Variants in LYPD5 observed in about 807,000 individuals in gnomAD.
LYPD5 encodes LY6/PLAUR domain containing 5, also known as ly6/PLAUR domain-containing protein 5.
LYPD5 carries 21 observed loss-of-function variants against 19.1 expected under a neutral mutation model. The ratio of observed to expected loss-of-function variants is 1.10; its 90% CI spans 0.78 to 1.58. LYPD5 has a LOEUF of 1.58. Ranked by LOEUF, LYPD5 falls within the 40% of genes most tolerant of loss-of-function variation. The pLI, the probability that LYPD5 is intolerant of heterozygous loss-of-function variation, is 0.00. For missense variants in LYPD5, 287 were observed against 329.8 expected (o/e 0.87, Z 1.00); for synonymous variants, 128 against 142.7 (o/e 0.90, Z 0.74).
chr19:43,805,759 C>T (rs889050631), upstream of LYPD5, among the ~76,000 whole-genome samples: 2 of 152,184 alleles, frequency 1.3e-5, no homozygotes, highest in African/African-American at 4.8e-5. Flanking sequence ...CCACCCGCCT[C>T]GGCCTCCCAA....
chr19:43,820,533 C>T (rs991363316), intron 1 of LYPD5: 2 of 152,128 alleles, frequency 1.3e-5, no homozygotes, highest in African/African-American at 4.8e-5. Flanking sequence ...GCTTCTCCCA[C>T]CCTTACCCGC....
At position 43,797,831 on chromosome 19, in the gene LYPD5, T is replaced by C. The variant is rs762524183; in HGVS notation, c.518-2A>G. 17 of 1,610,132 alleles carry C rather than the reference T, an allele frequency of 1.1e-5. No individual in the cohort carries two copies. The South Asian group carries it at 1.9e-4, about 18-fold the overall frequency. On this transcript the variant is annotated splice_acceptor_variant, in intron 4 of 4. Coordinates refer to ENST00000377950, the MANE Select transcript of LYPD5 (RefSeq NM_001031749.3). LOFTEE classifies it high-confidence loss of function. ...TGTACACAGGGACTGAGAAATTGCC[T>C]GGAGGTGGGCAAAGCAGTGAGGAAC...
At chr19:43,817,257 T>G (rs972772425) in intron 1 of LYPD5, among the ~76,000 whole-genome samples, 2 of 152,174 alleles carry the variant, frequency 1.3e-5, no homozygotes, top group African/African-American at 2.4e-5. Flanking sequence ...CTTGGCCTTA[T>G]GTTTCTCATC....
Position 43,798,919 on chromosome 19 carries a change from G to C in LYPD5, c.263C>G (p.Ser88Trp), listed in dbSNP as rs549894933. ...GTCTGGCGGCAGCGCGTCCGCGTTC[G>C]ATTGCGTCTGGCCCGCAGGAGGCCC... Reference protein sequence around the residue: ...WTGPPAGQTQSNADALPPDYS... With the variant: ...WTGPPAGQTQWNADALPPDYS... Residue 88 changes from serine to tryptophan, a missense_variant, in exon 3 of 5, where the codon TCG becomes TGG. Coordinates refer to ENST00000377950, the MANE Select transcript of LYPD5 (RefSeq NM_001031749.3). 5 of 1,595,338 alleles carry C rather than the reference G, an allele frequency of 3.1e-6. No individual in the cohort carries two copies. The highest frequency in any genetic ancestry group is 4.3e-6 in the Non-Finnish European group (5 of 1,171,636).
chr19:43,799,599 A>C, intron 2 of LYPD5, 107 bp downstream of exon 2: 2 of 1,197,112 alleles, frequency 1.7e-6, no homozygotes, highest in South Asian at 1.6e-5. Flanking sequence ...CCATCTTTCT[A>C]TCTTTATCTT....
chr19:43,799,098 C>CCCTCCT (rs1970182595), intron 2 of LYPD5, 110 bp from the exon 3 acceptor site: 2 of 1,014,972 alleles, frequency 2.0e-6, no homozygotes, highest in Non-Finnish European at 2.7e-6. Flanking sequence ...ACCTCCTCCC[C>CCCTCCT]TCCCTCCTTC....
chr19:43,811,874 C>G (rs1052301288), intron 1 of LYPD5, among the ~76,000 whole-genome samples: 1 of 152,154 alleles, frequency 6.6e-6, no homozygotes, highest in Non-Finnish European at 1.5e-5. Flanking sequence ...GTGTCAGCCT[C>G]TGGTGCATAG....
In LYPD5 at chr19:43,812,377, CA is replaced by C. The variant is rs539908210; in HGVS notation, c.-66+8162del. ...TCTATCTATCTATCTATCTATCTATCAATCTATCATCTATCTATCCATCCAT... is the reference window on the plus strand; with the variant it reads ...TCTATCTATCTATCTATCTATCTATCATCTATCATCTATCTATCCATCCAT... On this transcript the variant is annotated intron_variant, in intron 1 of 4. Transcript: ENST00000414615. Among the ~76,000 whole-genome samples the C allele has an allele frequency of 6.6e-3, 693 of 104,586 alleles. 7 individuals are homozygous for C. Among genetic ancestry groups the C allele is most frequent in the African/African-American group, 0.022 (660 of 29,606 alleles). 68.6% of individuals were successfully genotyped at this position (104,586 alleles called of 152,430 possible).
At chr19:43,809,954 T>C (rs887677855) in intron 1 of LYPD5, among the ~76,000 whole-genome samples, 1 of 152,234 alleles carries the variant, frequency 6.6e-6, no homozygotes, top group Admixed American at 6.5e-5. Flanking sequence ...GAATGGTAGC[T>C]ACCAACCCTC....
Position 43,817,096 on chromosome 19 carries a change from A to T in LYPD5, c.-66+3444T>A, listed in dbSNP as rs558990133. ...GTAACCCCAAAACTCAGAGGCTTGA[A>T]ATTACGAATATTATTTCTCACAATT... On this transcript the variant is annotated intron_variant, in intron 1 of 4. Transcript: ENST00000414615. Among the ~76,000 whole-genome samples the T allele has an allele frequency of 2.0e-5, 3 of 152,280 alleles. No individual in the cohort carries two copies. The South Asian group carries it at 6.2e-4, about 32-fold the overall frequency.
chr19:43,806,792 A>G (rs555803079), upstream of LYPD5, among the ~76,000 whole-genome samples: 67 of 152,256 alleles, frequency 4.4e-4, no homozygotes, highest in Admixed American at 1.6e-3. Flanking sequence ...AAAACGCACA[A>G]TAAATGTAAT....
At position 43,798,879 on chromosome 19, in the gene LYPD5, G is replaced by C. The variant is rs1239482556; in HGVS notation, c.303C>G (p.Arg101=). 6.2e-7 allele frequency: 1 copy of C among 1,607,190 alleles called. No individual in the cohort carries two copies. Among genetic ancestry groups the C allele is most frequent in the South Asian group, 1.1e-5 (1 of 89,716 alleles). The stretch of plus-strand genomic sequence containing the variant: ...CGTTGCATTTGTCAGTTGTGCAGCC[G>C]CGCACCACCGAGTAGTCTGGCGGCA... ...DALPPDYSVV[R]GCTTDKCNAH... is the part of the protein sequence containing the mutation. The change falls in exon 3 of 5, where the codon CGC becomes CGG. Residue 101 remains arginine (R), a synonymous_variant. Coordinates refer to ENST00000377950, the MANE Select transcript of LYPD5 (RefSeq NM_001031749.3).
At chr19:43,811,653 T>C (rs1970324519) in intron 1 of LYPD5, among the ~76,000 whole-genome samples, 1 of 149,632 alleles carries the variant, frequency 6.7e-6, no homozygotes, top group Admixed American at 6.8e-5. Context: ...GCCACTGCCC[T>C]CTAGCCTGGG....
Position 43,802,441 on chromosome 19 carries a change from CCTTA to C in LYPD5, c.-65_-62del. The stretch of plus-strand genomic sequence containing the variant: ...TGTGATGTGCTGCCTGGCTGGTTCT[CCTTA>C]CTGAGTCCTAAGCATCCCGGCCACC... On this transcript the variant is annotated 5_prime_UTR_variant, in exon 1 of 5. Transcript: ENST00000377950. 6.7e-7 allele frequency: 1 copy of C among 1,487,542 alleles called. No homozygotes were observed. The allele number at this position is 1,487,542 out of a possible 1,614,324, so 92.1% of individuals were successfully genotyped here. A position where few individuals can be genotyped will look rare whatever the true frequency, so the allele number is the denominator to read the frequency against.
chr19:43,804,382 GACACATCCCATT>G (rs1218110351), upstream of LYPD5, among the ~76,000 whole-genome samples: 322 of 93,318 alleles, frequency 3.5e-3, 2 homozygotes, highest in African/African-American at 9.2e-3. Context: ...CCATGTGATG[GACACATCCCATT>G]GACAGAATAA....
intron 1 of LYPD5, among the ~76,000 whole-genome samples, chr19:43,812,803 C>T (rs79238857): frequency 0.011 from 1,618 of 152,306 alleles, 14 homozygotes; most frequent in Middle Eastern, 0.027. Context: ...TTTAACTACA[C>T]GCAAATTAAG....
At position 43,797,425 on chromosome 19, in the gene LYPD5, T is replaced by C. The variant is rs1351573582; in HGVS notation, c.*166A>G. ...GGTGACTGTGTCCAGTTTCTTCCAG[T>C]ACTGTTGGCCAGGTTGTGGGGCACA... On this transcript the variant is annotated 3_prime_UTR_variant, in exon 5 of 5. Coordinates refer to ENST00000377950, the MANE Select transcript of LYPD5 (RefSeq NM_001031749.3). 2 of 639,400 alleles carry C rather than the reference T, an allele frequency of 3.1e-6. No individual in the cohort carries two copies. Among genetic ancestry groups the C allele is most frequent in the Non-Finnish European group, 5.4e-6 (2 of 369,874 alleles). The allele number at this position is 639,400 out of a possible 1,614,324, so 39.6% of individuals were successfully genotyped here.
chr19:43,799,597 C>CTT (rs1970194230), intron 2 of LYPD5, 109 bp downstream of exon 2: 1 of 1,212,096 alleles, frequency 8.3e-7, no homozygotes, highest in Admixed American at 2.7e-5. Context: ...CCCCATCTTT[C>CTT]TATCTTTATC....
At chr19:43,811,305 A>G (rs934150530) in intron 1 of LYPD5, among the ~76,000 whole-genome samples, 2 of 152,202 alleles carry the variant, frequency 1.3e-5, no homozygotes, top group South Asian at 2.1e-4. Flanking sequence ...ATAACATGGA[A>G]TAGTTGAGAA....
Sources: gnomAD v4.1 joint callset for allele counts (sites outside exome capture counted in the v4.1 genomes callset) on GRCh38, gnomAD v4.1.1 for gene constraint, MANE v1.5 for transcripts, NCBI Gene and HGNC (gene_info 2026-07-23, HGNC 2026-07-21) for gene names.